The following NPEPPS variants were observed in gnomAD, a reference collection of about 807,000 sequenced individuals.
NPEPPS encodes aminopeptidase puromycin sensitive.
Under a neutral mutation model 115.5 loss-of-function variants are expected in NPEPPS, and 14 were observed. The observed-to-expected ratio is 0.12, with a 90% CI of 0.08 to 0.19. The LOEUF (loss-of-function observed/expected upper bound fraction) is 0.19. NPEPPS is among the 10% of genes least tolerant of loss of function. NPEPPS has a pLI of 1.00. For synonymous variants in NPEPPS, 285 were observed against 390.6 expected, an observed-to-expected ratio of 0.73 and a Z score of 3.19; for missense variants, 523 against 1,110.8, an observed-to-expected ratio of 0.47 and a Z score of 7.52.
At chr17:47,530,650 C>A (rs1330031711), upstream of NPEPPS, among the ~76,000 whole-genome samples, 2 of 152,194 alleles carry the variant, frequency 1.3e-5, no homozygotes, top group African/African-American at 4.8e-5. Flanking sequence ...AGACACTGCG[C>A]CCGGCTATTA....
At chr17:47,549,641 G>A (rs555217623) in intron 2 of NPEPPS, among the ~76,000 whole-genome samples, 5 of 151,630 alleles carry the variant, frequency 3.3e-5, no homozygotes, top group Admixed American at 6.6e-5. Flanking sequence ...TTAGCTGGGC[G>A]TGGTGGCAGG....
At position 47,546,076 on chromosome 17, in the gene NPEPPS, G is replaced by A. The variant is rs936529045; in HGVS notation, c.340+83G>A. The A allele has an allele frequency of 1.6e-4, 244 of 1,504,312 alleles. No individual in the cohort carries two copies. The African/African-American group carries it at 2.9e-3, about 18-fold the overall frequency. 93.2% of individuals were successfully genotyped at this position (1,504,312 alleles called of 1,614,324 possible). A position where few individuals can be genotyped will look rare whatever the true frequency, so the allele number is the denominator to read the frequency against. ...TGTGTGTGTGTGTGTGTGTGTGTGA[G>A]AGAGAGAGAGAGAGAGACATTTTCA... On this transcript the variant is annotated intron_variant, in intron 2 of 22. Transcript: ENST00000322157.
chr17:47,526,882 T>C (rs1907456594), upstream of NPEPPS, among the ~76,000 whole-genome samples: 1 of 152,078 alleles, frequency 6.6e-6, no homozygotes, highest in Admixed American at 6.6e-5. Context: ...GGCTTGAACC[T>C]GGGAGGCGGA....
At chr17:47,562,785 T>TAAAAA (rs3065310) in intron 2 of NPEPPS, among the ~76,000 whole-genome samples, 4 of 146,432 alleles carry the variant, frequency 2.7e-5, no homozygotes, top group Non-Finnish European at 4.5e-5. Flanking sequence ...TAGTTAATTG[T>TAAAAA]AAAAAAAAAA....
intron 2 of NPEPPS, among the ~76,000 whole-genome samples, chr17:47,560,046 C>A (rs113951995): frequency 2.0e-5 from 3 of 152,176 alleles, no homozygotes; most frequent in African/African-American, 7.2e-5. Context: ...AAGCTTCCTC[C>A]TTATGGAATT....
upstream of NPEPPS, among the ~76,000 whole-genome samples, chr17:47,530,615 C>T (rs1287090577): frequency 6.6e-6 from 1 of 151,944 alleles, no homozygotes; most frequent in Non-Finnish European, 1.5e-5. Flanking sequence ...CCTCGGCCTC[C>T]CGAAGTGCTG....
At chr17:47,557,331 G>A (rs1199122337) in intron 2 of NPEPPS, 2 of 151,876 alleles carry the variant, frequency 1.3e-5, no homozygotes, top group African/African-American at 4.8e-5. Context: ...GTTCGCCTTG[G>A]CCTCCCAAAG....
At position 47,545,935 on chromosome 17, in the gene NPEPPS, G is replaced by A; in HGVS notation, c.282G>A (p.Val94=). 1 of 1,562,916 alleles carries A rather than the reference G, an allele frequency of 6.4e-7. No individual in the cohort carries two copies. Among genetic ancestry groups the A allele is most frequent in the South Asian group, 1.2e-5 (1 of 85,602 alleles). The change falls in exon 2 of 23, where the codon GTG becomes GTA. Residue 94 remains valine, a synonymous_variant. Coordinates refer to ENST00000322157, the MANE Select transcript of NPEPPS (RefSeq NM_006310.4). The stretch of plus-strand genomic sequence containing the variant: ...TGAGGCAGGCGACTAATCAGATTGT[G>A]ATGAATTGTGCTGATATTGATATTA... ...AQVRQATNQI[V]MNCADIDIIT... is the part of the protein sequence containing the mutation.
chr17:47,588,063 T>G (rs1285742976), intron 9 of NPEPPS, among the ~76,000 whole-genome samples: 1 of 151,998 alleles, frequency 6.6e-6, no homozygotes, highest in Non-Finnish European at 1.5e-5. Context: ...TGGAGCCAGC[T>G]AGATTCCCTG....
At chr17:47,606,379 G>A (rs1316780840) in intron 17 of NPEPPS, among the ~76,000 whole-genome samples, 2 of 151,754 alleles carry the variant, frequency 1.3e-5, no homozygotes, top group African/African-American at 4.8e-5. Flanking sequence ...ACTAAAGGTG[G>A]TGTTTCCTCC....
intron 1 of NPEPPS, among the ~76,000 whole-genome samples, chr17:47,536,623 G>A (rs1175718443): frequency 1.3e-5 from 2 of 150,456 alleles, no homozygotes; most frequent in African/African-American, 2.4e-5. Flanking sequence ...TCGAACTCCC[G>A]ACCTCTGGTG....
chr17:47,597,225 T>C (rs1912936935), intron 13 of NPEPPS, among the ~76,000 whole-genome samples: 3 of 152,240 alleles, frequency 2.0e-5, no homozygotes. Flanking sequence ...AGTGTGATTT[T>C]AATTAGGATT....
At chr17:47,524,498 C>CT in intron 1 of NPEPPS, among the ~76,000 whole-genome samples, 1 of 148,950 alleles carries the variant, frequency 6.7e-6, no homozygotes, top group East Asian at 2.0e-4. Context: ...TAATTAAAAA[C>CT]ATTTTTTTTT....
intron 4 of NPEPPS, 85 bp from the exon 5 acceptor site, chr17:47,582,657 A>G (rs1181044805): frequency 3.5e-6 from 3 of 862,088 alleles, no homozygotes; most frequent in Admixed American, 1.9e-5. Flanking sequence ...GAATGAATGA[A>G]TGACAGAGGG....
chr17:47,537,440 T>C (rs1248878240), intron 1 of NPEPPS, among the ~76,000 whole-genome samples: 2 of 152,164 alleles, frequency 1.3e-5, no homozygotes, highest in Non-Finnish European at 2.9e-5. Flanking sequence ...ACGCCTGTAA[T>C]CCCAGCACTT....
chr17:47,534,289 T>TA (rs1032727701), intron 1 of NPEPPS, among the ~76,000 whole-genome samples: 64 of 151,980 alleles, frequency 4.2e-4, no homozygotes, highest in African/African-American at 1.5e-3. Flanking sequence ...GACAGGGTTT[T>TA]ACTGTGGTCT....
upstream of NPEPPS, among the ~76,000 whole-genome samples, chr17:47,530,001 A>G (rs578216226): frequency 3.4e-5 from 5 of 145,572 alleles, no homozygotes; most frequent in East Asian, 8.2e-4. Flanking sequence ...CAGTGGCGCA[A>G]TCTCGGCTCA....
intron 19 of NPEPPS, among the ~76,000 whole-genome samples, chr17:47,617,543 C>G (rs1168957149): frequency 6.6e-6 from 1 of 151,794 alleles, no homozygotes; most frequent in Non-Finnish European, 1.5e-5. Context: ...TGTCTGCTTT[C>G]TTCACTTAAA....
chr17:47,586,275 G>T (rs1370177342), intron 7 of NPEPPS, 31 bp downstream of exon 7: 10 of 1,080,284 alleles, frequency 9.3e-6, no homozygotes, highest in South Asian at 2.7e-5. Flanking sequence ...TTGCTGAATT[G>T]TAATAACTTT....
Sources: gnomAD v4.1 joint callset for allele counts (sites outside exome capture counted in the v4.1 genomes callset) on GRCh38, gnomAD v4.1.1 for gene constraint, MANE v1.5 for transcripts, NCBI Gene and HGNC (gene_info 2026-07-23, HGNC 2026-07-21) for gene names.